The following SWAP70 variants were observed in gnomAD, a reference collection of about 807,000 sequenced individuals.
The protein encoded by SWAP70 is switching B cell complex subunit SWAP70.
SWAP70 carries 34 observed loss-of-function variants against 80.2 expected under a neutral mutation model. That is an observed-to-expected ratio of 0.42 (90% CI 0.32 to 0.56). SWAP70 has a LOEUF of 0.56. Ranked by LOEUF, SWAP70 falls within the 20% of genes least tolerant of loss-of-function variation. The pLI is 0.09. For synonymous variants in SWAP70, 239 were observed against 238.5 expected (o/e 1.00, Z -0.02); for missense variants, 578 against 690.7 (o/e 0.84, Z 1.83).
chr11:9,703,594 A>G, intron 2 of SWAP70: 1 of 420,644 alleles, frequency 2.4e-6, no homozygotes, highest in Non-Finnish European at 4.8e-6. Context: ...TGTTTCCCGC[A>G]GCAGCCTGTG....
chr11:9,702,510 CAA>C (rs1850846393), intron 2 of SWAP70, among the ~76,000 whole-genome samples: 1 of 151,936 alleles, frequency 6.6e-6, no homozygotes, highest in Non-Finnish European at 1.5e-5. Flanking sequence ...CTGCTGGTCT[CAA>C]GAGATCCTCC....
At chr11:9,709,261 G>A (rs1195837829) in intron 2 of SWAP70, among the ~76,000 whole-genome samples, 2 of 151,834 alleles carry the variant, frequency 1.3e-5, no homozygotes, top group Non-Finnish European at 2.9e-5. Flanking sequence ...AGTAGCTGGG[G>A]CTAAAGGCAC....
intron 5 of SWAP70, 98 bp from the exon 6 acceptor site, chr11:9,729,245 A>G: frequency 1.3e-6 from 1 of 758,856 alleles, no homozygotes; most frequent in Non-Finnish European, 2.2e-6. Flanking sequence ...GGTATTTTTC[A>G]TTGACATTAA....
At chr11:9,729,682 C>T (rs1214973797) in intron 6 of SWAP70, among the ~76,000 whole-genome samples, 1 of 151,998 alleles carries the variant, frequency 6.6e-6, no homozygotes, top group Non-Finnish European at 1.5e-5. Flanking sequence ...TTAGTAGAGA[C>T]GGGGTTTCAC....
At chr11:9,684,316 A>T (rs1474894090) in intron 1 of SWAP70, among the ~76,000 whole-genome samples, 1 of 152,194 alleles carries the variant, frequency 6.6e-6, no homozygotes, top group African/African-American at 2.4e-5. Context: ...TCCTGACCTC[A>T]AGTGATCCTC....
intron 3 of SWAP70, 50 bp downstream of exon 3, chr11:9,713,689 G>C (rs764352455): frequency 3.2e-6 from 5 of 1,552,772 alleles, no homozygotes; most frequent in Non-Finnish European, 4.3e-6. Context: ...GCATTTAATA[G>C]ACCTGGCTTG....
chr11:9,751,394 T>C lies in SWAP70; in HGVS notation c.*1424T>C, dbSNP rs970099566. 3 of 152,222 alleles carry C rather than the reference T, an allele frequency of 2.0e-5. No individual in the cohort carries two copies. Among genetic ancestry groups the C allele is most frequent in the African/African-American group, 4.8e-5 (2 of 41,442 alleles). The allele number at this position is 152,222 out of a possible 1,614,324, so 9.4% of individuals were successfully genotyped here. A position where few individuals can be genotyped will look rare whatever the true frequency, so the allele number is the denominator to read the frequency against. On this transcript the variant is annotated 3_prime_UTR_variant, in exon 12 of 12. Transcript: ENST00000318950. ...ATCTATCTTTGGATTAAAAAGAACA[T>C]TTATGAAATCAAGCCTTCTAACACT...
At chr11:9,729,882 C>G (rs1001670161) in intron 6 of SWAP70, among the ~76,000 whole-genome samples, 3 of 152,166 alleles carry the variant, frequency 2.0e-5, no homozygotes, top group Non-Finnish European at 4.4e-5. Flanking sequence ...GATACAGTAG[C>G]TGAGAGAAAA....
At chr11:9,731,721 T>C (rs1396930943) in intron 6 of SWAP70, among the ~76,000 whole-genome samples, 3 of 152,120 alleles carry the variant, frequency 2.0e-5, no homozygotes, top group African/African-American at 7.2e-5. Context: ...GAAAAGAAGG[T>C]GGAAGACATA....
At chr11:9,703,316 A>G (rs1364581245) in intron 2 of SWAP70, 1 of 455,444 alleles carries the variant, frequency 2.2e-6, no homozygotes, top group South Asian at 1.5e-5. Flanking sequence ...TGTTTTATTT[A>G]CATATTCAGT....
At chr11:9,723,213 A>G (rs1851162686) in intron 3 of SWAP70, among the ~76,000 whole-genome samples, 1 of 152,210 alleles carries the variant, frequency 6.6e-6, no homozygotes, top group Admixed American at 6.5e-5. Flanking sequence ...CCCGACCAAA[A>G]GCAGATCAAA....
chr11:9,694,249 G>T lies in SWAP70; in HGVS notation c.203G>T (p.Gly68Val). 2.5e-6 allele frequency: 4 copies of T among 1,612,588 alleles called. No homozygotes were observed. The highest frequency in any genetic ancestry group is 3.4e-6 in the Non-Finnish European group (4 of 1,179,370). The change falls in exon 2 of 12, where the codon GGC (glycine) becomes GTC (valine). Residue 68 changes from glycine to valine, a missense_variant. Transcript: ENST00000318950. Reference protein sequence around the residue: ...DDDEGPVSNQGYMPYLNRFIL... With the variant: ...DDDEGPVSNQVYMPYLNRFIL... ...GATGAGGGTCCAGTGTCCAACCAGG[G>T]CTACATGCCTTATTTAAACAGGTTC...
At chr11:9,740,913 C>A (rs1851429305) in intron 9 of SWAP70, 1 of 154,764 alleles carries the variant, frequency 6.5e-6, no homozygotes, top group South Asian at 2.0e-4. Context: ...GATGAAAATT[C>A]TCAATTTTGG....
chr11:9,738,868 GA>G (rs928715617), intron 8 of SWAP70, among the ~76,000 whole-genome samples: 4 of 150,320 alleles, frequency 2.7e-5, no homozygotes, highest in Non-Finnish European at 1.5e-5. Context: ...CTCCAAAAAA[GA>G]AAAAAAAAGA....
chr11:9,700,071 A>G (rs1590023790), intron 2 of SWAP70, among the ~76,000 whole-genome samples: 1 of 152,076 alleles, frequency 6.6e-6, no homozygotes, highest in Non-Finnish European at 1.5e-5. Flanking sequence ...CTACTACTGC[A>G]TTTTGTTCTC....
intron 8 of SWAP70, 144 bp downstream of exon 8, chr11:9,738,464 G>A: frequency 2.1e-6 from 1 of 482,528 alleles, no homozygotes; most frequent in Non-Finnish European, 3.6e-6. Context: ...GAAGTTGCAT[G>A]TTTGTTCATT....
intron 1 of SWAP70, among the ~76,000 whole-genome samples, chr11:9,665,706 A>G (rs1458529229): frequency 6.6e-6 from 1 of 152,234 alleles, no homozygotes; most frequent in Non-Finnish European, 1.5e-5. Flanking sequence ...TGTGTGTACC[A>G]ATAATTTTTT....
chr11:9,709,364 A>G (rs964972507), intron 2 of SWAP70, among the ~76,000 whole-genome samples: 1 of 152,168 alleles, frequency 6.6e-6, no homozygotes, highest in African/African-American at 2.4e-5. Context: ...CCTGGTCTCA[A>G]GCAATCCTTC....
At chr11:9,725,013 T>C (rs953297560) in intron 4 of SWAP70, 128 bp downstream of exon 4, 3 of 708,398 alleles carry the variant, frequency 4.2e-6, no homozygotes, top group Non-Finnish European at 6.9e-6. Flanking sequence ...TTATTTTTTG[T>C]TTTTTTGAGA....
Sources: allele counts gnomAD v4.1 joint callset (sites outside exome capture counted in the v4.1 genomes callset), GRCh38; gene constraint gnomAD v4.1.1; transcripts MANE v1.5; gene names NCBI Gene and HGNC (gene_info 2026-07-23, HGNC 2026-07-21).